The following CTNNA3 variants were observed in gnomAD, a reference collection of about 807,000 sequenced individuals.
CTNNA3 encodes the protein catenin alpha-3.
CTNNA3 carries 76 observed loss-of-function variants against 95.7 expected under a neutral mutation model. That is an observed-to-expected ratio of 0.79 (90% confidence interval 0.66 to 0.96). The LOEUF is 0.96. Ranked by LOEUF, CTNNA3 falls within the 40% of genes least tolerant of loss-of-function variation. CTNNA3 has a pLI of 0.00. For missense variants in CTNNA3, 1,191 were observed against 1,089.8 expected (o/e 1.09, Z -1.31); for synonymous variants, 431 against 374.4 (o/e 1.15, Z -1.74).
chr10:67,387,250 C>T lies in CTNNA3; in HGVS notation c.579+134592G>A, dbSNP rs1039250740. On this transcript the variant is annotated intron_variant, in intron 5 of 17. Coordinates refer to ENST00000433211, the MANE Select transcript of CTNNA3 (RefSeq NM_013266.4). The stretch of plus-strand genomic sequence containing the variant: ...GTGAGGCATTGCCTCACTGGGGAAG[C>T]GCAAGGGGTCAGGGAGTTCCCTTTC... Among the ~76,000 whole-genome samples, 3 of 152,130 alleles carry T rather than the reference C, an allele frequency of 2.0e-5. No homozygotes were observed. The East Asian group carries it at 5.8e-4, about 29-fold the overall frequency.
intron 7 of CTNNA3, among the ~76,000 whole-genome samples, chr10:66,930,882 A>C (rs1564774892): frequency 6.6e-6 from 1 of 152,160 alleles, no homozygotes; most frequent in African/African-American, 2.4e-5. Context: ...ATGGGAAAAA[A>C]GTTCTTTCTT....
intron 13 of CTNNA3, among the ~76,000 whole-genome samples, chr10:66,213,208 T>C (rs1299317401): frequency 6.6e-6 from 1 of 152,160 alleles, no homozygotes; most frequent in Non-Finnish European, 1.5e-5. Context: ...CTTCATAGGA[T>C]ATTGAGATTA....
chr10:66,096,973 A>G (rs373061115), intron 14 of CTNNA3, among the ~76,000 whole-genome samples: 1 of 152,220 alleles, frequency 6.6e-6, no homozygotes, highest in South Asian at 2.1e-4. Flanking sequence ...GGTGAGGGAA[A>G]TAAGAACTTG....
intron 15 of CTNNA3, among the ~76,000 whole-genome samples, chr10:65,991,286 C>T (rs934875932): frequency 6.6e-6 from 1 of 151,942 alleles, no homozygotes; most frequent in East Asian, 1.9e-4. Context: ...ATTGTTTCTT[C>T]TGTTTCTGTG....
At chr10:67,076,331 T>C (rs1856747614) in intron 7 of CTNNA3, among the ~76,000 whole-genome samples, 1 of 152,252 alleles carries the variant, frequency 6.6e-6, no homozygotes. Context: ...CCTCAAAATA[T>C]GAGTAATCAT....
At chr10:67,006,084 C>A (rs1390918932) in intron 7 of CTNNA3, among the ~76,000 whole-genome samples, 1 of 152,104 alleles carries the variant, frequency 6.6e-6, no homozygotes, top group Non-Finnish European at 1.5e-5. Flanking sequence ...TTGAACAGTA[C>A]AGTGCCAGGT....
intron 1 of CTNNA3, among the ~76,000 whole-genome samples, chr10:67,734,231 A>G (rs1841290744): frequency 1.3e-5 from 2 of 152,174 alleles, no homozygotes; most frequent in African/African-American, 4.8e-5. Context: ...TTTAAATATA[A>G]AGCCAAGAAC....
intron 7 of CTNNA3, among the ~76,000 whole-genome samples, chr10:66,924,405 T>C (rs1489302220): frequency 6.6e-6 from 1 of 152,228 alleles, no homozygotes; most frequent in African/African-American, 2.4e-5. Flanking sequence ...TTTTCAAGAA[T>C]ACCATTATTT....
At chr10:66,317,343 T>C (rs972289226) in intron 12 of CTNNA3, among the ~76,000 whole-genome samples, 4 of 152,036 alleles carry the variant, frequency 2.6e-5, no homozygotes, top group African/African-American at 9.7e-5. Flanking sequence ...TTTATTTGGG[T>C]TTGTTTATGA....
intron 11 of CTNNA3, 77 bp downstream of exon 11, chr10:66,520,540 C>A: frequency 7.6e-7 from 1 of 1,319,586 alleles, no homozygotes; most frequent in Non-Finnish European, 1.0e-6. Flanking sequence ...GCATGAGCCA[C>A]CATGCCTGTC....
intron 1 of CTNNA3, chr10:67,750,209 C>G (rs1368553703): frequency 3.5e-6 from 5 of 1,412,200 alleles, no homozygotes; most frequent in Non-Finnish European, 5.0e-6. Flanking sequence ...CAAGAACCCA[C>G]TGGAAGGAAC....
At chr10:66,556,508 A>C (rs774409027) in intron 10 of CTNNA3, among the ~76,000 whole-genome samples, 5 of 152,068 alleles carry the variant, frequency 3.3e-5, no homozygotes, top group Non-Finnish European at 7.4e-5. Flanking sequence ...ATGTGTACAT[A>C]TATCATATAT....
At chr10:66,786,820 T>C (rs185825122) in intron 7 of CTNNA3, among the ~76,000 whole-genome samples, 3 of 152,234 alleles carry the variant, frequency 2.0e-5, no homozygotes, top group African/African-American at 7.2e-5. Context: ...TGTAGAATAT[T>C]GACCATTCTT....
chr10:66,128,077 A>C (rs920130789), intron 13 of CTNNA3, among the ~76,000 whole-genome samples: 7 of 152,178 alleles, frequency 4.6e-5, no homozygotes, highest in Non-Finnish European at 4.4e-5. Context: ...ATCTCAAAAA[A>C]AGAAAAGAAA....
chr10:66,538,005 G>A (rs1841719849), intron 10 of CTNNA3, among the ~76,000 whole-genome samples: 1 of 151,918 alleles, frequency 6.6e-6, no homozygotes, highest in Admixed American at 6.6e-5. Context: ...TCACTACATG[G>A]CATAACTTCC....
chr10:66,549,289 C>T (rs1272216723), intron 10 of CTNNA3, among the ~76,000 whole-genome samples: 1 of 152,172 alleles, frequency 6.6e-6, no homozygotes, highest in East Asian at 1.9e-4. Flanking sequence ...AGCCACCACG[C>T]CCGGCCGCCT....
chr10:66,189,639 CAT>C (rs978055342), intron 13 of CTNNA3, among the ~76,000 whole-genome samples: 11 of 125,874 alleles, frequency 8.7e-5, no homozygotes, highest in African/African-American at 3.1e-4. Context: ...CACACATATA[CAT>C]ATATATATAC....
intron 11 of CTNNA3, among the ~76,000 whole-genome samples, chr10:66,392,441 C>CAA (rs201017909): frequency 1.3e-5 from 2 of 151,156 alleles, no homozygotes; most frequent in African/African-American, 2.4e-5. Flanking sequence ...AAAAACAAAA[C>CAA]AAAAAAAAGA....
intron 7 of CTNNA3, among the ~76,000 whole-genome samples, chr10:66,974,647 T>C (rs2132845405): frequency 6.6e-6 from 1 of 152,330 alleles, no homozygotes. Flanking sequence ...GTTTCATTGG[T>C]TCATATCATC....
Sources: allele counts gnomAD v4.1 joint callset (sites outside exome capture counted in the v4.1 genomes callset), GRCh38; gene constraint gnomAD v4.1.1; transcripts MANE v1.5; gene names NCBI Gene and HGNC (gene_info 2026-07-23, HGNC 2026-07-21).